Variants in EPSTI1 observed in about 807,000 individuals in gnomAD.
The protein encoded by EPSTI1 is epithelial stromal interaction 1.
A neutral mutation model predicts 49.9 loss-of-function variants in EPSTI1; 66 were observed. That is an observed-to-expected ratio of 1.32 (90% CI 1.08 to 1.62). The LOEUF (loss-of-function observed/expected upper bound fraction) is 1.62. EPSTI1 is among the 40% of genes most tolerant of loss of function. The pLI is 0.00. For synonymous variants in EPSTI1, 137 were observed against 130.7 expected, an observed-to-expected ratio of 1.05 and a Z score of -0.33; for missense variants, 394 against 365.5, an observed-to-expected ratio of 1.08 and a Z score of -0.64.
chr13:42,911,244 A>AGT (rs372327588), intron 8 of EPSTI1, among the ~76,000 whole-genome samples: 6,434 of 147,092 alleles, frequency 0.044, 173 homozygotes, highest in East Asian at 0.11. Flanking sequence ...AGAGAGAGAG[A>AGT]GTGTGTGTGT....
chr13:42,923,387 C>T (rs1410281545), intron 7 of EPSTI1, among the ~76,000 whole-genome samples: 1 of 152,076 alleles, frequency 6.6e-6, no homozygotes. Context: ...GTGGCAAAAC[C>T]CTGTCTCTAC....
intron 1 of EPSTI1, among the ~76,000 whole-genome samples, chr13:42,987,548 A>G (rs551718442): frequency 6.6e-6 from 1 of 150,962 alleles, no homozygotes; most frequent in African/African-American, 2.4e-5. Context: ...AAATTCATAA[A>G]CTTTCTTAAA....
At chr13:42,931,452 G>A (rs1233277878) in intron 6 of EPSTI1, among the ~76,000 whole-genome samples, 4 of 151,780 alleles carry the variant, frequency 2.6e-5, no homozygotes, top group Non-Finnish European at 4.4e-5. Flanking sequence ...TGATCCACCC[G>A]CCTCGGCTTC....
At position 42,963,927 on chromosome 13, in the gene EPSTI1, T is replaced by C. The variant is rs549569235; in HGVS notation, c.405+139A>G. 1.8e-5 allele frequency: 12 copies of C among 652,850 alleles called. No individual in the cohort carries two copies. In the African/African-American group the frequency reaches 2.0e-4, roughly 11 times the overall value. The allele number at this position is 652,850 out of a possible 1,614,324, so 40.4% of individuals were successfully genotyped here. On this transcript the variant is annotated intron_variant, in intron 4 of 10. Coordinates refer to ENST00000313624, the MANE Select transcript of EPSTI1 (RefSeq NM_033255.5). Reference sequence around the variant, plus strand: ...TTCACTTCTCACTTCCTGAGAGCTTTGATTCTGAAAGCTGCCTTTTGCAAC... The same window carrying C: ...TTCACTTCTCACTTCCTGAGAGCTTCGATTCTGAAAGCTGCCTTTTGCAAC...
At chr13:42,985,647 G>C (rs2040064776) in intron 1 of EPSTI1, among the ~76,000 whole-genome samples, 1 of 152,210 alleles carries the variant, frequency 6.6e-6, no homozygotes, top group African/African-American at 2.4e-5. Context: ...TCCAGCAAAA[G>C]TTGCCTAATA....
At chr13:42,983,429 T>C (rs946424191) in intron 1 of EPSTI1, among the ~76,000 whole-genome samples, 3 of 152,030 alleles carry the variant, frequency 2.0e-5, no homozygotes, top group Non-Finnish European at 4.4e-5. Context: ...CCAGGCATGG[T>C]GGTGGACACC....
intron 6 of EPSTI1, among the ~76,000 whole-genome samples, chr13:42,953,555 C>T (rs1199483614): frequency 6.6e-6 from 1 of 152,168 alleles, no homozygotes; most frequent in African/African-American, 2.4e-5. Flanking sequence ...TAGAAAAAAA[C>T]ACAAGTGTAT....
Position 42,970,696 on chromosome 13 carries a change from T to C in EPSTI1, c.189-26A>G, listed in dbSNP as rs368785159. ...CTAAAAGGAAGAGAAAAAAAAATGC[T>C]TATTACCATGAGAAACTACCAATGC... On this transcript the variant is annotated intron_variant, in intron 1 of 10. Coordinates refer to ENST00000313624, the MANE Select transcript of EPSTI1 (RefSeq NM_033255.5). 6.9e-6 allele frequency: 11 copies of C among 1,588,666 alleles called. No homozygotes were observed. The African/African-American group carries it at 1.2e-4, about 18-fold the overall frequency.
At chr13:42,968,512 C>A in intron 3 of EPSTI1, among the ~76,000 whole-genome samples, 1 of 152,080 alleles carries the variant, frequency 6.6e-6, no homozygotes, top group Non-Finnish European at 1.5e-5. Context: ...GGTGGCATCC[C>A]TTCTGAATGA....
Position 42,989,451 on chromosome 13 carries a change from A to G in EPSTI1, c.188+2527T>C, listed in dbSNP as rs575718467. Reference sequence around the variant, plus strand: ...CTAATCCCCACACTGGGGCTGCAGGAGGAAATTAATGGAAGGATTCCCACA... The same window carrying G: ...CTAATCCCCACACTGGGGCTGCAGGGGGAAATTAATGGAAGGATTCCCACA... On this transcript the variant is annotated intron_variant, in intron 1 of 10. Transcript: ENST00000313624. Among the ~76,000 whole-genome samples the G allele has an allele frequency of 2.2e-4, 33 of 152,058 alleles. 1 individual carries two copies. Among genetic ancestry groups the G allele is most frequent in the African/African-American group, 7.0e-4 (29 of 41,526 alleles).
intron 6 of EPSTI1, among the ~76,000 whole-genome samples, chr13:42,930,180 G>C (rs1318837428): frequency 6.6e-6 from 1 of 152,138 alleles, no homozygotes; most frequent in Admixed American, 6.5e-5. Context: ...AAACCTCAGC[G>C]TGTCTTAGGA....
At chr13:42,963,503 G>A (rs555065999) in intron 4 of EPSTI1, 165 bp from the exon 5 acceptor site, 11 of 595,264 alleles carry the variant, frequency 1.8e-5, no homozygotes, top group Middle Eastern at 4.5e-4. Flanking sequence ...GAGAATGGCC[G>A]GGCTACGTCT....
At chr13:42,899,426 A>G (rs1302578331) in intron 9 of EPSTI1, among the ~76,000 whole-genome samples, 2 of 152,204 alleles carry the variant, frequency 1.3e-5, no homozygotes, top group African/African-American at 4.8e-5. Flanking sequence ...TGGGGACAAC[A>G]TAGTTCAGTC....
chr13:42,933,353 C>T (rs2153423541), intron 6 of EPSTI1, among the ~76,000 whole-genome samples: 1 of 150,056 alleles, frequency 6.7e-6, no homozygotes, highest in South Asian at 2.1e-4. Context: ...CATTTTCCCA[C>T]ATTGTCTGAA....
At chr13:42,895,954 G>GA (rs1239545193) in intron 9 of EPSTI1, among the ~76,000 whole-genome samples, 1 of 152,194 alleles carries the variant, frequency 6.6e-6, no homozygotes, top group Non-Finnish European at 1.5e-5. Flanking sequence ...CCAGTCACAT[G>GA]AGCCTCTTGT....
chr13:42,886,855 A>G lies in EPSTI1; in HGVS notation c.*1639T>C, dbSNP rs1331436890. ...GAGTGCAGGGTAGGCCAGGCAGTGG[A>G]GGAGAAATTGACACCAACTTCCCTG... is the stretch of plus-strand genomic sequence containing the variant. On this transcript the variant is annotated 3_prime_UTR_variant, in exon 11 of 11. Transcript: ENST00000313624. The G allele has an allele frequency of 6.6e-6, 1 of 152,206 alleles. No homozygotes were observed. The highest frequency in any genetic ancestry group is 6.5e-5 in the Admixed American group (1 of 15,284). The allele number at this position is 152,206 out of a possible 1,614,324, so 9.4% of individuals were successfully genotyped here.
At chr13:42,910,313 G>A (rs1363754416) in intron 8 of EPSTI1, among the ~76,000 whole-genome samples, 2 of 148,064 alleles carry the variant, frequency 1.4e-5, no homozygotes, top group Non-Finnish European at 3.0e-5. Context: ...CCAGGGTAGG[G>A]TGCAATGGTG....
chr13:42,984,173 T>C (rs2040038222), intron 1 of EPSTI1, among the ~76,000 whole-genome samples: 1 of 152,230 alleles, frequency 6.6e-6, no homozygotes, highest in Admixed American at 6.5e-5. Flanking sequence ...TCAAGATTAC[T>C]CATTACAATC....
At position 42,931,724 on chromosome 13, in the gene EPSTI1, C is replaced by A. The variant is rs1275134467; in HGVS notation, c.564-5295G>T. Among the ~76,000 whole-genome samples, 7 of 152,100 alleles carry A rather than the reference C, an allele frequency of 4.6e-5. No homozygotes were observed. In the East Asian group the frequency reaches 1.2e-3, roughly 25 times the overall value. On this transcript the variant is annotated intron_variant, in intron 6 of 10. Transcript: ENST00000313624. ...CTGAAAATAGATTTTTGTCATCTAACCACATCTTTGAGATTTTTCCATATT... is the reference window on the plus strand; with the variant it reads ...CTGAAAATAGATTTTTGTCATCTAAACACATCTTTGAGATTTTTCCATATT...
Sources: gnomAD v4.1 joint callset for allele counts (sites outside exome capture counted in the v4.1 genomes callset) on GRCh38, gnomAD v4.1.1 for gene constraint, MANE v1.5 for transcripts, NCBI Gene and HGNC (gene_info 2026-07-23, HGNC 2026-07-21) for gene names.